CASZ1: variants seen among roughly 807,000 people sequenced by gnomAD.
The protein encoded by CASZ1 is castor zinc finger 1.
A neutral mutation model predicts 135.2 loss-of-function variants in CASZ1; 28 were observed. That is an observed-to-expected ratio of 0.21 (90% CI 0.15 to 0.28). The LOEUF is 0.28. CASZ1 is among the 10% of genes least tolerant of loss of function. CASZ1 has a pLI of 1.00. For synonymous variants in CASZ1, 1,068 were observed against 1,073.4 expected, an observed-to-expected ratio of 0.99 and a Z score of 0.10; for missense variants, 2,161 against 2,453.3, an observed-to-expected ratio of 0.88 and a Z score of 2.52.
rs548003439 is a variant in CASZ1 at position 10,742,963 on chromosome 1, C to T, written c.-77+17738G>A. Among the ~76,000 whole-genome samples the T allele has an allele frequency of 2.4e-3, 361 of 151,876 alleles. 2 individuals are homozygous for T. Among genetic ancestry groups the T allele is most frequent in the African/African-American group, 7.7e-3 (319 of 41,318 alleles). ...TCACGCCACTGCACTCCAACCTGGG[C>T]AACAGAGCAAGACTCCATCTCACAA... On this transcript the variant is annotated intron_variant, in intron 2 of 20. Coordinates refer to ENST00000377022, the MANE Select transcript of CASZ1 (RefSeq NM_001079843.3).
Position 10,680,516 on chromosome 1 carries a change from A to G in CASZ1, c.16+13358T>C, listed in dbSNP as rs565055747. 2.0e-5 allele frequency among the ~76,000 whole-genome samples: 3 copies of G among 152,278 alleles called. No homozygotes were observed. The South Asian group carries it at 6.2e-4, about 32-fold the overall frequency. ...CCCCCTCTGCCCTAGGGATCCTGGGAGGATGGCTTTGGGTCTCAGGGGGTG... is the reference window on the plus strand; with the variant it reads ...CCCCCTCTGCCCTAGGGATCCTGGGGGGATGGCTTTGGGTCTCAGGGGGTG... On this transcript the variant is annotated intron_variant, in intron 4 of 20. Transcript: ENST00000377022.
intron 10 of CASZ1, 92 bp downstream of exon 10, chr1:10,654,327 C>T (rs1043269938): frequency 2.2e-5 from 35 of 1,574,970 alleles, no homozygotes; most frequent in South Asian, 1.4e-4. Flanking sequence ...GGCTGGACAC[C>T]GAGGCAGGGG....
At chr1:10,790,126 A>G (rs974943479) in intron 1 of CASZ1, among the ~76,000 whole-genome samples, 2 of 152,156 alleles carry the variant, frequency 1.3e-5, no homozygotes, top group African/African-American at 4.8e-5. Flanking sequence ...CAGAGGAGAG[A>G]TCACCAGGCA....
chr1:10,669,285 C>T (rs1643333445), intron 4 of CASZ1, among the ~76,000 whole-genome samples: 1 of 152,210 alleles, frequency 6.6e-6, no homozygotes, highest in Non-Finnish European at 1.5e-5. Context: ...CCTAAGCCGG[C>T]CCTAGGAAAT....
chr1:10,686,347 T>C (rs571768724), intron 4 of CASZ1, among the ~76,000 whole-genome samples: 7 of 152,188 alleles, frequency 4.6e-5, no homozygotes, highest in Non-Finnish European at 7.3e-5. Flanking sequence ...CCCCCGCCCC[T>C]ACCAAGGGAG....
rs1388381666 is a variant in CASZ1 at position 10,646,428 on chromosome 1, G to A, written c.3498-102C>T. 1.5e-5 allele frequency: 16 copies of A among 1,098,948 alleles called. No homozygotes were observed. The highest frequency in any genetic ancestry group is 2.0e-5 in the Admixed American group (1 of 50,090). The allele number at this position is 1,098,948 out of a possible 1,614,324, so 68.1% of individuals were successfully genotyped here. A position where few individuals can be genotyped will look rare whatever the true frequency, so the allele number is the denominator to read the frequency against. On this transcript the variant is annotated intron_variant, in intron 16 of 20. Transcript: ENST00000377022. The surrounding 1 kb of genome is among the most constrained non-coding windows in gnomAD (Gnocchi z 6.4). ...TGGAGTTCACTCCCCCACGACCAGC[G>A]GTACCACCAAGAGGGATGGCCTGGG...
At chr1:10,791,502 C>G (rs553944420) in intron 1 of CASZ1, among the ~76,000 whole-genome samples, 36 of 152,326 alleles carry the variant, frequency 2.4e-4, no homozygotes, top group Admixed American at 2.0e-4. Flanking sequence ...GTTCCTCCCC[C>G]CGTCATGCTA....
intron 1 of CASZ1, among the ~76,000 whole-genome samples, chr1:10,765,050 G>C (rs977319869): frequency 6.6e-6 from 1 of 152,190 alleles, no homozygotes; most frequent in Admixed American, 6.5e-5. Flanking sequence ...CTTTATCTTT[G>C]GGGGCGTGGG....
At position 10,727,239 on chromosome 1, in the gene CASZ1, C is replaced by A. The variant is rs1000888853; in HGVS notation, c.-76-21695G>T. Among the ~76,000 whole-genome samples the A allele has an allele frequency of 5.3e-5, 8 of 152,112 alleles. No homozygotes were observed. On this transcript the variant is annotated intron_variant, in intron 2 of 20. Transcript: ENST00000377022. This position sits in a 1 kb window ranked among gnomAD's most constrained non-coding sequence, Gnocchi z 5.3. ...GTGGGAAGCTGGGAGACCAGGGCGTCTTGCAGGCAGGGGCTGCAGAGCCAT... is the reference window on the plus strand; with the variant it reads ...GTGGGAAGCTGGGAGACCAGGGCGTATTGCAGGCAGGGGCTGCAGAGCCAT...
chr1:10,710,376 C>G (rs942267751), intron 2 of CASZ1, among the ~76,000 whole-genome samples: 1 of 152,222 alleles, frequency 6.6e-6, no homozygotes, highest in African/African-American at 2.4e-5. Context: ...CTCCCCACCC[C>G]TCCTGAGACC....
intron 3 of CASZ1, among the ~76,000 whole-genome samples, chr1:10,702,810 C>T (rs932520922): frequency 6.6e-6 from 1 of 152,172 alleles, no homozygotes; most frequent in Non-Finnish European, 1.5e-5. Flanking sequence ...TGCAAACTGT[C>T]CATTATGGGT....
intron 4 of CASZ1, among the ~76,000 whole-genome samples, chr1:10,681,096 T>G (rs1638401974): frequency 6.6e-6 from 1 of 152,164 alleles, no homozygotes; most frequent in South Asian, 2.1e-4. Flanking sequence ...AGACGGGGTT[T>G]CGCCATGTTG....
In CASZ1 at chr1:10,676,468, G is replaced by C. The variant is rs1169475100; in HGVS notation, c.17-10897C>G. ...CCCCAATGCAGGCTCTTCCCACCAGGACAAAGAAGACACCAAGAGCCCCCG... is the reference window on the plus strand; with the variant it reads ...CCCCAATGCAGGCTCTTCCCACCAGCACAAAGAAGACACCAAGAGCCCCCG... On this transcript the variant is annotated intron_variant, in intron 4 of 20. Coordinates refer to ENST00000377022, the MANE Select transcript of CASZ1 (RefSeq NM_001079843.3). The surrounding 1 kb of genome is among the most constrained non-coding windows in gnomAD (Gnocchi z 4.5). 2.0e-5 allele frequency among the ~76,000 whole-genome samples: 3 copies of C among 152,056 alleles called. No individual in the cohort carries two copies. Among genetic ancestry groups the C allele is most frequent in the Non-Finnish European group, 4.4e-5 (3 of 68,012 alleles).
In CASZ1 at chr1:10,654,204, G is replaced by A. The variant is rs142418398; in HGVS notation, c.1853C>T (p.Thr618Ile). Residue 618 changes from threonine (T) to isoleucine (I), a missense_variant, in exon 11 of 21, where the codon ACA (threonine) becomes ATA (isoleucine). Thr to Ile is a moderately conservative substitution (Grantham distance 89, BLOSUM62 -1). Transcript: ENST00000377022. ...THFHCRRPGC[T>I]FTFKNKCDIE... is the part of the protein sequence containing the mutation. The stretch of plus-strand genomic sequence containing the variant: ...GTCACACTTGTTCTTGAAAGTGAAT[G>A]TGCAGCCGGGGCGCCTGGATGGGAC... The A allele has an allele frequency of 1.9e-4, 307 of 1,614,032 alleles. No individual in the cohort carries two copies. The highest frequency in any genetic ancestry group is 2.5e-4 in the Non-Finnish European group (292 of 1,179,986).
intron 2 of CASZ1, among the ~76,000 whole-genome samples, chr1:10,744,388 T>C (rs915264798): frequency 5.8e-5 from 8 of 138,466 alleles, no homozygotes; most frequent in Non-Finnish European, 7.8e-5. Context: ...AGCAGGCATG[T>C]CCTGGGCACC....
At chr1:10,758,999 G>A (rs939469560) in intron 2 of CASZ1, among the ~76,000 whole-genome samples, 2 of 152,168 alleles carry the variant, frequency 1.3e-5, no homozygotes, top group South Asian at 2.1e-4. Context: ...ACAAATCCCC[G>A]CTTGCATGAC....
In CASZ1 at chr1:10,666,611, G is replaced by A. The variant is rs1449290873; in HGVS notation, c.17-1040C>T. ...ACCTAATCCCCGAATGTGACAGCCC[G>A]ACACACACAGCCGGAAGGAAGCCCT... On this transcript the variant is annotated intron_variant, in intron 4 of 20. Coordinates refer to ENST00000377022, the MANE Select transcript of CASZ1 (RefSeq NM_001079843.3). The surrounding 1 kb of genome is among the most constrained non-coding windows in gnomAD (Gnocchi z 5.2). 1.3e-5 allele frequency among the ~76,000 whole-genome samples: 2 copies of A among 152,146 alleles called. No homozygotes were observed. Among genetic ancestry groups the A allele is most frequent in the Non-Finnish European group, 2.9e-5 (2 of 68,024 alleles).
intron 1 of CASZ1, among the ~76,000 whole-genome samples, chr1:10,783,246 AGTGTGTGTGT>A (rs70997266): frequency 4.7e-5 from 7 of 148,042 alleles, no homozygotes; most frequent in South Asian, 4.4e-4. Flanking sequence ...CCAGTGGAGA[AGTGTGTGTGT>A]GTGTGTGTGT....
chr1:10,733,135 G>T (rs1227048333), intron 2 of CASZ1, among the ~76,000 whole-genome samples: 1 of 152,184 alleles, frequency 6.6e-6, no homozygotes, highest in Non-Finnish European at 1.5e-5. Flanking sequence ...TTAAAGAGGA[G>T]AAAGGAAAGA....
Sources: gnomAD v4.1 joint callset for allele counts (sites outside exome capture counted in the v4.1 genomes callset) on GRCh38, gnomAD v4.1.1 for gene constraint, Gnocchi (gnomAD v3.1) non-coding constraint, MANE v1.5 for transcripts, NCBI Gene and HGNC (gene_info 2026-07-23, HGNC 2026-07-21) for gene names.